Variants in ZFR2 observed in about 807,000 individuals in gnomAD.
ZFR2 encodes the protein zinc finger RNA-binding protein 2.
A neutral mutation model predicts 105.7 loss-of-function variants in ZFR2; 104 were observed. The observed-to-expected ratio is 0.98, with a 90% CI of 0.84 to 1.16. The LOEUF (loss-of-function observed/expected upper bound fraction) is 1.16. Among genes scored for constraint, ZFR2 ranks in the 50% most tolerant of loss-of-function variants. The pLI is 0.00. For missense variants in ZFR2, 1,425 were observed against 1,355.5 expected (o/e 1.05, Z -0.80); for synonymous variants, 634 against 597.7 (o/e 1.06, Z -0.89).
chr19:3,855,322 G>A (rs2038284399), intron 1 of ZFR2: 1 of 1,198,742 alleles, frequency 8.3e-7, no homozygotes, highest in Non-Finnish European at 1.0e-6. Context: ...AAAGTCATTA[G>A]AGGCCTTCTG....
In ZFR2 at chr19:3,838,883, C is replaced by T. The variant is rs2038105975; in HGVS notation, c.54-3900G>A. 6.6e-6 allele frequency among the ~76,000 whole-genome samples: 1 copy of T among 152,204 alleles called. No individual in the cohort carries two copies. The highest frequency in any genetic ancestry group is 1.5e-5 in the Non-Finnish European group (1 of 68,034). On this transcript the variant is annotated intron_variant, in intron 1 of 18. Transcript: ENST00000262961. The surrounding 1 kb of genome is among the most constrained non-coding windows in gnomAD (Gnocchi z 4.9). ...GGACCAGCTGCAGCTGCCCAGCTGT[C>T]TCCCGGGGCCGCGGCACGTGGCATG...
chr19:3,851,404 C>T (rs2038236508), intron 1 of ZFR2, among the ~76,000 whole-genome samples: 1 of 152,248 alleles, frequency 6.6e-6, no homozygotes, highest in African/African-American at 2.4e-5. Context: ...GAACACTTGG[C>T]CTGCCTCATC....
chr19:3,830,645 T>G (rs1350672759), intron 5 of ZFR2, among the ~76,000 whole-genome samples: 7 of 152,042 alleles, frequency 4.6e-5, no homozygotes, highest in Admixed American at 4.6e-4. Context: ...CTCACACCTC[T>G]CCAGAGTCTG....
At chr19:3,841,231 C>A (rs980891800) in intron 1 of ZFR2, among the ~76,000 whole-genome samples, 1 of 152,234 alleles carries the variant, frequency 6.6e-6, no homozygotes, top group Non-Finnish European at 1.5e-5. Flanking sequence ...CTTCGCAAAC[C>A]CTCCTGTTGG....
At position 3,819,091 on chromosome 19, in the gene ZFR2, C is replaced by T; in HGVS notation, c.1885G>A (p.Ala629Thr). ...TCTCGGCGGCCCCGGTCCTCCTCGG[C>T]CAGTGTGTCGGACACCAGCTTGAGG... ...RALKLVSDTL[A>T]EEDRGRREEE... The change falls in exon 12 of 19, where the codon GCC (alanine) becomes ACC (threonine). Residue 629 changes from alanine to threonine, a missense_variant. By Grantham distance (58) the Ala-to-Thr change is moderately conservative. Coordinates refer to ENST00000262961, the MANE Select transcript of ZFR2 (RefSeq NM_015174.2). The T allele has an allele frequency of 1.2e-6, 2 of 1,612,418 alleles. No homozygotes were observed. The highest frequency in any genetic ancestry group is 1.7e-6 in the Non-Finnish European group (2 of 1,179,798).
At chr19:3,863,810 G>C (rs1322606111) in intron 1 of ZFR2, among the ~76,000 whole-genome samples, 3 of 152,164 alleles carry the variant, frequency 2.0e-5, no homozygotes, top group Non-Finnish European at 4.4e-5. Flanking sequence ...ACTGGCCTGG[G>C]CCCATTCCTA....
rs2145151723 is a variant in ZFR2, at chr19:3,825,256, G to T, written c.1187C>A (p.Pro396His). 6.4e-7 allele frequency: 1 copy of T among 1,553,590 alleles called. No homozygotes were observed. Among genetic ancestry groups the T allele is most frequent in the South Asian group, 1.2e-5 (1 of 81,964 alleles). The change falls in exon 7 of 19, where the codon CCC becomes CAC. Residue 396 changes from proline to histidine, a missense_variant. Physicochemically the swap from Pro to His is moderately conservative, Grantham distance 77. Coordinates refer to ENST00000262961, the MANE Select transcript of ZFR2 (RefSeq NM_015174.2). ...CTCGCATAAGGCCTTCGAGGCCACG[G>T]GTCTCTTGGCCAGCGCTGGCCTGCT... Reference protein sequence around the residue: ...ASSRPALAKRPVASKALCEGP... With the variant: ...ASSRPALAKRHVASKALCEGP...
In ZFR2 at chr19:3,838,677, G is replaced by A. The variant is rs908545494; in HGVS notation, c.54-3694C>T. On this transcript the variant is annotated intron_variant, in intron 1 of 18. Transcript: ENST00000262961. The surrounding 1 kb of genome is among the most constrained non-coding windows in gnomAD (Gnocchi z 4.9). ...CCCCGTGTCTATGGCTCCCGTCCCC[G>A]CTGCCTGCAAGTGGCTGCTCAGTGA... Among the ~76,000 whole-genome samples the A allele has an allele frequency of 9.6e-4, 146 of 152,216 alleles. 1 individual carries two copies. Among genetic ancestry groups the A allele is most frequent in the Middle Eastern group, 3.4e-3 (1 of 294 alleles).
rs542558417 is a variant in ZFR2, at chr19:3,847,751, C to T, written c.54-12768G>A. On this transcript the variant is annotated intron_variant, in intron 1 of 18. Transcript: ENST00000262961. Reference sequence around the variant, plus strand: ...CCAATCTTTCGCCATTAAAGCAATGCTCCAAGGCTTATTCTAGAGTGGCTT... The same window carrying T: ...CCAATCTTTCGCCATTAAAGCAATGTTCCAAGGCTTATTCTAGAGTGGCTT... Among the ~76,000 whole-genome samples, 4 of 152,272 alleles carry T rather than the reference C, an allele frequency of 2.6e-5. No homozygotes were observed. In the East Asian group the frequency reaches 7.7e-4, roughly 29 times the overall value.
chr19:3,806,076 A>G lies in ZFR2; in HGVS notation c.2693T>C (p.Met898Thr). ...AFRQTHKVLG[M>T]DLLPPRHRLG... ...CCGGTGTCTGGGCGGCAGGAGATCCATGCCCAGGACCTTGTGGGTCTGCCG... is the reference window on the plus strand; with the variant it reads ...CCGGTGTCTGGGCGGCAGGAGATCCGTGCCCAGGACCTTGTGGGTCTGCCG... Residue 898 changes from methionine (M) to threonine (T), a missense_variant, in exon 19 of 19, where the codon ATG becomes ACG. Physicochemically the swap from Met to Thr is moderately conservative, Grantham distance 81. Coordinates refer to ENST00000262961, the MANE Select transcript of ZFR2 (RefSeq NM_015174.2). 2.0e-6 allele frequency: 3 copies of G among 1,527,772 alleles called. No homozygotes were observed. The highest frequency in any genetic ancestry group is 2.6e-6 in the Non-Finnish European group (3 of 1,138,342). 94.6% of individuals were successfully genotyped at this position (1,527,772 alleles called of 1,614,324 possible).
rs374877810 is a variant in ZFR2, at chr19:3,831,751, G to T, written c.507C>A (p.Pro169=). ...ACTCGGGCTGGACGCCTGTCGCCGT[G>T]GGGTAGGTGTATCCCGAGGACAAGG... is the stretch of plus-strand genomic sequence containing the variant. The part of the protein sequence containing the change: ...ASTLSSGYTY[P]TATGVQPESS... The change falls in exon 4 of 19, where the codon CCC becomes CCA. Residue 169 remains proline, a synonymous_variant. Transcript: ENST00000262961. 32 of 1,608,330 alleles carry T rather than the reference G, an allele frequency of 2.0e-5. No homozygotes were observed. The African/African-American group carries it at 2.9e-4, about 15-fold the overall frequency.
intron 17 of ZFR2, among the ~76,000 whole-genome samples, chr19:3,808,039 G>T (rs940288624): frequency 1.3e-4 from 19 of 145,026 alleles, no homozygotes; most frequent in Non-Finnish European, 4.5e-5. Flanking sequence ...TCATGTCCTT[G>T]TGTGCCCGTG....
Position 3,825,345 on chromosome 19 carries a change from T to A in ZFR2, c.1098A>T (p.Thr366=), listed in dbSNP as rs770228978. ...PIPTLEPALA[T]ESPPGAEAKP... is the part of the protein sequence containing the mutation. ...TGGCCTCTGCCCCGGGGGGGCTCTC[T>A]GTGGCCAGTGCAGGCTCGAGGGTGG... is the stretch of plus-strand genomic sequence containing the variant. Residue 366 remains threonine, a synonymous_variant, in exon 7 of 19, where the codon ACA becomes ACT. Transcript: ENST00000262961. 1 of 1,590,466 alleles carries A rather than the reference T, an allele frequency of 6.3e-7. No homozygotes were observed. The highest frequency in any genetic ancestry group is 8.5e-7 in the Non-Finnish European group (1 of 1,171,314).
rs1448650426 is a variant in ZFR2 at position 3,834,364 on chromosome 19, T to C, written c.264+409A>G. Among the ~76,000 whole-genome samples the C allele has an allele frequency of 6.6e-6, 1 of 151,862 alleles. No individual in the cohort carries two copies. Among genetic ancestry groups the C allele is most frequent in the Non-Finnish European group, 1.5e-5 (1 of 67,954 alleles). ...ACACCACAGACTCCCTCTTAGAAGG[T>C]AGGAATCTGGAGCGTGGGGAAGGTG... On this transcript the variant is annotated intron_variant, in intron 2 of 18. Transcript: ENST00000262961. This position sits in a 1 kb window ranked among gnomAD's most constrained non-coding sequence, Gnocchi z 5.3.
intron 5 of ZFR2, among the ~76,000 whole-genome samples, chr19:3,829,863 G>A (rs1251699507): frequency 6.6e-6 from 1 of 152,194 alleles, no homozygotes; most frequent in East Asian, 1.9e-4. Flanking sequence ...AATTAGCCAC[G>A]TGGGCTTCAA....
rs2038241278 is a variant in ZFR2 at position 3,851,894 on chromosome 19, G to A, written c.54-16911C>T. On this transcript the variant is annotated intron_variant, in intron 1 of 18. Coordinates refer to ENST00000262961, the MANE Select transcript of ZFR2 (RefSeq NM_015174.2). ...CCACGGCTCATCTTGCAATACAATA[G>A]CAGGGTTCACTAATGTGACAGACAT... 15 of 171,568 alleles carry A rather than the reference G, an allele frequency of 8.7e-5. 1 individual carries two copies. In the South Asian group the frequency reaches 1.9e-3, roughly 22 times the overall value. The allele number at this position is 171,568 out of a possible 1,614,324, so 10.6% of individuals were successfully genotyped here.
At chr19:3,837,993 C>T (rs745544904) in intron 1 of ZFR2, among the ~76,000 whole-genome samples, 53 of 150,838 alleles carry the variant, frequency 3.5e-4, no homozygotes, top group Admixed American at 1.3e-3. Flanking sequence ...CTGTAACACA[C>T]GATGAATGTG....
Position 3,831,484 on chromosome 19 carries a change from G to C in ZFR2, c.671C>G (p.Pro224Arg). The change falls in exon 5 of 19, where the codon CCG (proline) becomes CGG (arginine). Residue 224 changes from proline (P) to arginine (R), a missense_variant. Pro to Arg is a moderately radical substitution (Grantham distance 103). Coordinates refer to ENST00000262961, the MANE Select transcript of ZFR2 (RefSeq NM_015174.2). ...CTGCTGCGGGGGTCCCGGGGGAGGC[G>C]GGGGCTGCGCTGGAGGATAGAAAGG... ...ASPFYPPAQPPPPPGPPQQLP... is the reference protein window; with the variant it reads ...ASPFYPPAQPRPPPGPPQQLP... 6.5e-7 allele frequency: 1 copy of C among 1,548,698 alleles called. No individual in the cohort carries two copies. Among genetic ancestry groups the C allele is most frequent in the Non-Finnish European group, 8.7e-7 (1 of 1,146,220 alleles).
At chr19:3,830,958 C>T (rs934322467) in intron 5 of ZFR2, among the ~76,000 whole-genome samples, 2 of 148,842 alleles carry the variant, frequency 1.3e-5, no homozygotes, top group African/African-American at 4.9e-5. Context: ...CACACATACA[C>T]ACACGCACAC....
Sources: gnomAD v4.1 joint callset for allele counts (sites outside exome capture counted in the v4.1 genomes callset) on GRCh38, gnomAD v4.1.1 for gene constraint, Gnocchi (gnomAD v3.1) non-coding constraint, MANE v1.5 for transcripts, NCBI Gene and HGNC (gene_info 2026-07-23, HGNC 2026-07-21) for gene names.